ZNF680: variants seen among roughly 807,000 people sequenced by gnomAD.
ZNF680 encodes hypothetical protein FLJ90430.
In ZNF680, 6 loss-of-function variants were observed where a neutral mutation model predicts 12.1. The ratio of observed to expected loss-of-function variants is 0.49; its 90% CI spans 0.27 to 0.98. The LOEUF is 0.98. Among genes scored for constraint, ZNF680 ranks in the 50% least tolerant of loss-of-function variants. The pLI is 0.12. For missense variants in ZNF680, 561 were observed against 616.3 expected (o/e 0.91, Z 0.95); for synonymous variants, 170 against 199.3 (o/e 0.85, Z 1.24).
intron 1 of ZNF680, among the ~76,000 whole-genome samples, chr7:64,558,602 G>A (rs1787549193): frequency 6.6e-6 from 1 of 152,126 alleles, no homozygotes; most frequent in Non-Finnish European, 1.5e-5. Context: ...ATGTAGTTAA[G>A]GTTAAGACGG....
Position 64,539,351 on chromosome 7 carries a change from C to CAAAAAAAAAAA in ZNF680, c.253+4345_253+4355dup, listed in dbSNP as rs1170166478. ...GGGCAACAAGAGCAAAACTTCGTCT[C>CAAAAAAAAAAA]AAAAAAAAAAAAAAAAAAAAAAAAG... On this transcript the variant is annotated intron_variant, in intron 3 of 3. Coordinates refer to ENST00000309683, the MANE Select transcript of ZNF680 (RefSeq NM_178558.5). 3.2e-3 allele frequency among the ~76,000 whole-genome samples: 153 copies of CAAAAAAAAAAA among 48,460 alleles called. 14 individuals carry two copies. Among genetic ancestry groups the CAAAAAAAAAAA allele is most frequent in the African/African-American group, 5.3e-3 (52 of 9,784 alleles). The allele number at this position is 48,460 out of a possible 152,430, so 31.8% of individuals were successfully genotyped here.
At chr7:64,551,520 A>C (rs1246911043) in intron 1 of ZNF680, 1 of 161,240 alleles carries the variant, frequency 6.2e-6, no homozygotes. Context: ...CCTGAGCTGC[A>C]GGAGGAGAGC....
intron 1 of ZNF680, among the ~76,000 whole-genome samples, chr7:64,554,358 C>T (rs13237045): frequency 0.32 from 48,192 of 151,536 alleles, 8,675 homozygotes; most frequent in African/African-American, 0.48. Flanking sequence ...GCAGCCGCCC[C>T]GTCCGGGAGG....
rs1474316102 is a variant in ZNF680, at chr7:64,522,010, G to C, written c.744C>G (p.Asn248Lys). The change falls in exon 4 of 4, where the codon AAC (asparagine) becomes AAG (lysine). Residue 248 changes from asparagine (N) to lysine (K), a missense_variant. Asn to Lys is a moderately conservative substitution (Grantham distance 94, BLOSUM62 0). Coordinates refer to ENST00000309683, the MANE Select transcript of ZNF680 (RefSeq NM_178558.5). The stretch of plus-strand genomic sequence containing the variant: ...TATGTTTAATAAGGGTTGAGGATTG[G>C]TTAAAGGCTTTGCCACATTCCTCAC... ...YKCEECGKAF[N>K]QSSTLIKHKK... is the part of the protein sequence containing the mutation. 4.3e-6 allele frequency: 7 copies of C among 1,612,562 alleles called. No homozygotes were observed. The highest frequency in any genetic ancestry group is 5.9e-6 in the Non-Finnish European group (7 of 1,179,426).
At chr7:64,557,782 A>C (rs1490544073) in intron 1 of ZNF680, among the ~76,000 whole-genome samples, 2 of 152,148 alleles carry the variant, frequency 1.3e-5, no homozygotes, top group Non-Finnish European at 2.9e-5. Context: ...CCAGTTACTC[A>C]GAAGGCTGAG....
At chr7:64,514,909 C>T (rs1791315207), downstream of ZNF680, among the ~76,000 whole-genome samples, 1 of 151,910 alleles carries the variant, frequency 6.6e-6, no homozygotes. Context: ...CGGGCGTGGT[C>T]GCGCATGCTT....
At chr7:64,516,589 G>A (rs11768338), downstream of ZNF680, among the ~76,000 whole-genome samples, 34,342 of 152,022 alleles carry the variant, frequency 0.23, 4,071 homozygotes, top group South Asian at 0.29. Flanking sequence ...AAGAAAAAAC[G>A]GATTTAAACT....
chr7:64,501,158 C>T, the ZNF680 span: 2 of 877,816 alleles, frequency 2.3e-6, no homozygotes, highest in Non-Finnish European at 3.8e-6. Flanking sequence ...GAACACCCTT[C>T]TCCATCGCCT....
downstream of ZNF680, among the ~76,000 whole-genome samples, chr7:64,515,569 G>GA (rs918498300): frequency 2.3e-3 from 345 of 150,712 alleles, 4 homozygotes; most frequent in Non-Finnish European, 3.5e-3. Flanking sequence ...ATGCAGCCTG[G>GA]AAAAAAAAAT....
At chr7:64,537,930 C>CA (rs940367255) in intron 3 of ZNF680, among the ~76,000 whole-genome samples, 42 of 145,876 alleles carry the variant, frequency 2.9e-4, no homozygotes, top group South Asian at 4.4e-4. Context: ...ACTCCATCTC[C>CA]AAAAAAAAAC....
chr7:64,501,395 A>T, the ZNF680 span: 1 of 1,158,676 alleles, frequency 8.6e-7, no homozygotes, highest in East Asian at 2.4e-5. Context: ...AAAGGAGATG[A>T]CCTTTAGGCC....
At chr7:64,545,263 C>CAAAAAAAA (rs532422147) in intron 1 of ZNF680, among the ~76,000 whole-genome samples, 2 of 89,742 alleles carry the variant, frequency 2.2e-5, no homozygotes, top group African/African-American at 3.4e-5. Flanking sequence ...GACTCCATCT[C>CAAAAAAAA]AAAAAAAAAA....
In ZNF680 at chr7:64,521,147, T is replaced by C. The variant is rs368764509; in HGVS notation, c.*14A>G. On this transcript the variant is annotated 3_prime_UTR_variant, in exon 4 of 4. Coordinates refer to ENST00000309683, the MANE Select transcript of ZNF680 (RefSeq NM_178558.5). ...TTTCTCAACAGGATGGTGTCTTTTA[T>C]GTTTAGAAAAGTTTTAGGTGTTATC... 1.3e-6 allele frequency: 2 copies of C among 1,588,308 alleles called. No individual in the cohort carries two copies. Among genetic ancestry groups the C allele is most frequent in the African/African-American group, 1.4e-5 (1 of 73,596 alleles).
the ZNF680 span, among the ~76,000 whole-genome samples, chr7:64,507,824 A>AACAC: frequency 2.1e-4 from 28 of 136,530 alleles, no homozygotes; most frequent in African/African-American, 3.9e-4. Context: ...AATTCCAGGA[A>AACAC]ACACACACAC....
At chr7:64,510,650 C>G in the ZNF680 span, among the ~76,000 whole-genome samples, 1 of 150,872 alleles carries the variant, frequency 6.6e-6, no homozygotes, top group Admixed American at 6.6e-5. Context: ...GTGGTTCACG[C>G]CTGTAATCCC....
chr7:64,501,236 G>A, the ZNF680 span: 2 of 875,734 alleles, frequency 2.3e-6, no homozygotes, highest in Non-Finnish European at 3.9e-6. Flanking sequence ...ATGTACAGTT[G>A]CCCAGCACAT....
chr7:64,508,736 C>T, the ZNF680 span, among the ~76,000 whole-genome samples: 6 of 150,968 alleles, frequency 4.0e-5, no homozygotes, highest in African/African-American at 1.5e-4. Context: ...ATCTAAAGGC[C>T]TTTGGACTAA....
intron 1 of ZNF680, among the ~76,000 whole-genome samples, chr7:64,554,220 G>A (rs1335811471): frequency 5.3e-5 from 7 of 131,550 alleles, no homozygotes; most frequent in African/African-American, 1.6e-4. Context: ...TGTGAAGAGC[G>A]CCTCTGCCCG....
At chr7:64,518,177 T>C (rs1009068732), downstream of ZNF680, among the ~76,000 whole-genome samples, 4 of 151,956 alleles carry the variant, frequency 2.6e-5, no homozygotes, top group African/African-American at 7.2e-5. Flanking sequence ...TAAAGAACCA[T>C]AAAGACTCCT....
Sources: gnomAD v4.1 joint callset for allele counts (sites outside exome capture counted in the v4.1 genomes callset) on GRCh38, gnomAD v4.1.1 for gene constraint, MANE v1.5 for transcripts, NCBI Gene and HGNC (gene_info 2026-07-23, HGNC 2026-07-21) for gene names.